EDA2R: variants seen among roughly 807,000 people sequenced by gnomAD.
The protein encoded by EDA2R is ectodysplasin A2 receptor, also known as tumor necrosis factor receptor superfamily member 27.
A neutral mutation model predicts 20.1 loss-of-function variants in EDA2R; 26 were observed. The ratio of observed to expected loss-of-function variants is 1.30; its 90% CI spans 0.95 to 1.80. The LOEUF is 1.80. Among genes scored for constraint, EDA2R ranks in the 40% most tolerant of loss-of-function variants. The pLI is 0.00. For synonymous variants in EDA2R, 114 were observed against 88.7 expected, an observed-to-expected ratio of 1.29 and a Z score of -1.60; for missense variants, 277 against 228.7, an observed-to-expected ratio of 1.21 and a Z score of -1.36.
intron 2 of EDA2R, among the ~76,000 whole-genome samples, chrX:66,613,032 ATTAT>A (rs997654249): frequency 2.7e-5 from 3 of 111,527 alleles, no homozygotes; most frequent in African/African-American, 9.7e-5. Flanking sequence ...TACAATAATA[ATTAT>A]TTGTTTTAGT....
chrX:66,634,550 T>C (rs1317895646), intron 1 of EDA2R, among the ~76,000 whole-genome samples: 2 of 111,442 alleles, frequency 1.8e-5, no homozygotes, highest in Non-Finnish European at 3.8e-5. Context: ...AGCTATCAGA[T>C]AATTGAAAAC....
chrX:66,598,002 G>C lies in EDA2R; in HGVS notation c.*102C>G. 1 of 961,480 alleles carries C rather than the reference G, an allele frequency of 1.0e-6. No homozygotes were observed. Among genetic ancestry groups the C allele is most frequent in the Non-Finnish European group, 1.3e-6 (1 of 748,826 alleles). 79.2% of individuals were successfully genotyped at this position (961,480 alleles called of 1,213,427 possible). ...CCATCTGTAGGGTATTAGCTCTTGT[G>C]GACATCACATTTCAGGCCCCTGCTG... On this transcript the variant is annotated 3_prime_UTR_variant, in exon 7 of 7. Transcript: ENST00000374719.
intron 2 of EDA2R, among the ~76,000 whole-genome samples, chrX:66,608,782 C>T (rs921877893): frequency 9.0e-6 from 1 of 111,270 alleles, no homozygotes; most frequent in Non-Finnish European, 1.9e-5. Flanking sequence ...TATGATTCCA[C>T]TTACATGAAA....
chrX:66,610,974 A>C (rs1235113075), intron 2 of EDA2R, among the ~76,000 whole-genome samples: 2 of 111,287 alleles, frequency 1.8e-5, no homozygotes, highest in Admixed American at 1.9e-4. Flanking sequence ...TATACTGGCA[A>C]GTGGTATCCT....
In EDA2R at chrX:66,598,094, C is replaced by G; in HGVS notation, c.*11-1G>C. The stretch of plus-strand genomic sequence containing the variant: ...CAAGGCTGCCAGGGGCCCAAGAGAC[C>G]TAAGGAGAGAGCAAACCAAGTTAGA... On this transcript the variant is annotated splice_acceptor_variant, in intron 6 of 6. Coordinates refer to ENST00000374719, the MANE Select transcript of EDA2R (RefSeq NM_021783.5). LOFTEE classifies it low-confidence loss of function (3UTR_SPLICE). 1 of 932,963 alleles carries G rather than the reference C, an allele frequency of 1.1e-6. No individual in the cohort carries two copies. Among genetic ancestry groups the G allele is most frequent in the Non-Finnish European group, 1.4e-6 (1 of 725,289 alleles). 76.9% of individuals were successfully genotyped at this position (932,963 alleles called of 1,213,427 possible).
intron 2 of EDA2R, among the ~76,000 whole-genome samples, chrX:66,611,640 C>A (rs190800832): frequency 2.6e-4 from 29 of 110,466 alleles, no homozygotes; most frequent in African/African-American, 9.2e-4. Context: ...GCAATATGAA[C>A]AACAGGGAGA....
chrX:66,624,518 CA>C (rs2147933923), intron 1 of EDA2R, among the ~76,000 whole-genome samples: 1 of 111,484 alleles, frequency 9.0e-6, no homozygotes, highest in South Asian at 3.8e-4. Flanking sequence ...GACTCTGTCT[CA>C]AATAAATAAA....
chrX:66,623,507 C>T (rs1932823407), intron 1 of EDA2R, among the ~76,000 whole-genome samples: 1 of 111,709 alleles, frequency 9.0e-6, no homozygotes, highest in Admixed American at 9.5e-5. Context: ...ATAAAATATA[C>T]ACAGTGATGT....
chrX:66,599,904 G>A, intron 5 of EDA2R, 44 bp from the exon 6 acceptor site: 5 of 1,181,246 alleles, frequency 4.2e-6, no homozygotes, highest in Admixed American at 2.3e-5. Context: ...CAAAAGCAGG[G>A]GCTCTTCTCA....
intron 2 of EDA2R, among the ~76,000 whole-genome samples, chrX:66,614,577 G>A (rs1187144094): frequency 3.6e-5 from 4 of 111,831 alleles, no homozygotes; most frequent in Non-Finnish European, 7.5e-5. Context: ...ATCTTTCCTT[G>A]GTACTGGGAT....
chrX:66,633,415 GTTC>G (rs1934031353), intron 1 of EDA2R, among the ~76,000 whole-genome samples: 1 of 111,766 alleles, frequency 8.9e-6, no homozygotes, highest in Non-Finnish European at 1.9e-5. Flanking sequence ...GAGGGAAAAC[GTTC>G]TTCTACTGAC....
intron 1 of EDA2R, among the ~76,000 whole-genome samples, chrX:66,618,353 C>T (rs994296720): frequency 1.8e-5 from 2 of 112,356 alleles, no homozygotes; most frequent in Non-Finnish European, 3.8e-5. Flanking sequence ...GGTTAAATGT[C>T]ATTACCTAGG....
chrX:66,615,114 T>C (rs758468585), intron 2 of EDA2R, among the ~76,000 whole-genome samples: 2 of 111,863 alleles, frequency 1.8e-5, no homozygotes, highest in South Asian at 7.6e-4. Flanking sequence ...TATCTCTGTA[T>C]GTGTCTCAAT....
At chrX:66,630,888 T>C (rs1933703194) in intron 1 of EDA2R, among the ~76,000 whole-genome samples, 1 of 109,323 alleles carries the variant, frequency 9.1e-6, no homozygotes, top group Admixed American at 9.7e-5. Flanking sequence ...CGTATGTGTA[T>C]GCATATATAC....
chrX:66,607,026 C>G (rs1929809044), intron 2 of EDA2R, among the ~76,000 whole-genome samples: 1 of 112,216 alleles, frequency 8.9e-6, no homozygotes, highest in Non-Finnish European at 1.9e-5. Flanking sequence ...AATCTGGGAG[C>G]AAAAGCTGGG....
At chrX:66,600,814 A>T (rs1602183731) in intron 5 of EDA2R, among the ~76,000 whole-genome samples, 1 of 111,964 alleles carries the variant, frequency 8.9e-6, no homozygotes, top group Middle Eastern at 4.6e-3. Flanking sequence ...AAATTCATTG[A>T]CTATGGTTAA....
intron 1 of EDA2R, among the ~76,000 whole-genome samples, chrX:66,631,442 G>A (rs1186847904): frequency 9.0e-6 from 1 of 110,997 alleles, no homozygotes; most frequent in Non-Finnish European, 1.9e-5. Flanking sequence ...CAAAAAGCAA[G>A]GCAGAACCCA....
At chrX:66,603,455 G>A (rs1378633839) in intron 4 of EDA2R, among the ~76,000 whole-genome samples, 3 of 111,411 alleles carry the variant, frequency 2.7e-5, no homozygotes, top group Non-Finnish European at 5.6e-5. Context: ...ACTGTGAGTT[G>A]AAATAACATG....
intron 4 of EDA2R, among the ~76,000 whole-genome samples, chrX:66,603,644 T>C (rs924278200): frequency 8.9e-6 from 1 of 111,921 alleles, no homozygotes; most frequent in African/African-American, 3.2e-5. Flanking sequence ...TTGCAGTTTG[T>C]TTGTTACTTT....
Sources: allele counts gnomAD v4.1 joint callset (sites outside exome capture counted in the v4.1 genomes callset), GRCh38; gene constraint gnomAD v4.1.1; transcripts MANE v1.5; gene names NCBI Gene and HGNC (gene_info 2026-07-23, HGNC 2026-07-21).